CHCHD3: variants seen among roughly 807,000 people sequenced by gnomAD.
The protein encoded by CHCHD3 is coiled-coil-helix-coiled-coil-helix domain containing 3, also known as MICOS complex subunit MIC19.
Under a neutral mutation model 38.2 loss-of-function variants are expected in CHCHD3, and 20 were observed. That is an observed-to-expected ratio of 0.52 (90% CI 0.37 to 0.76). The LOEUF (loss-of-function observed/expected upper bound fraction) is 0.76, where lower values mean the gene tolerates loss of function less well. Ranked by LOEUF, CHCHD3 falls within the 30% of genes least tolerant of loss-of-function variation. The pLI is 0.00. For synonymous variants in CHCHD3, 82 were observed against 100.0 expected (o/e 0.82, Z 1.07); for missense variants, 245 against 279.2 (o/e 0.88, Z 0.87).
At chr7:132,845,913 CTGA>C (rs1164942338) in intron 5 of CHCHD3, among the ~76,000 whole-genome samples, 1 of 152,112 alleles carries the variant, frequency 6.6e-6, no homozygotes, top group African/African-American at 2.4e-5. Flanking sequence ...GATTCCACAA[CTGA>C]TGAAGATTGA....
intron 4 of CHCHD3, among the ~76,000 whole-genome samples, chr7:132,906,716 T>C (rs1215338750): frequency 6.6e-6 from 1 of 152,112 alleles, no homozygotes; most frequent in Non-Finnish European, 1.5e-5. Context: ...CTGGAATATT[T>C]GTAAAAAAAA....
At chr7:132,795,888 GA>G (rs1173229047) in intron 7 of CHCHD3, among the ~76,000 whole-genome samples, 1 of 152,224 alleles carries the variant, frequency 6.6e-6, no homozygotes, top group Non-Finnish European at 1.5e-5. Flanking sequence ...GAAGGGTCAA[GA>G]GAAGAATATG....
intron 3 of CHCHD3, among the ~76,000 whole-genome samples, chr7:133,016,061 A>T (rs1813022174): frequency 6.6e-6 from 1 of 152,178 alleles, no homozygotes; most frequent in Non-Finnish European, 1.5e-5. Flanking sequence ...CCATGATCCA[A>T]TCACCTCCTA....
At chr7:132,936,368 C>T (rs1210003004) in intron 4 of CHCHD3, among the ~76,000 whole-genome samples, 2 of 152,086 alleles carry the variant, frequency 1.3e-5, no homozygotes, top group Non-Finnish European at 2.9e-5. Flanking sequence ...TGGAAGAGTC[C>T]ATTTGAAATC....
intron 3 of CHCHD3, among the ~76,000 whole-genome samples, chr7:132,987,095 C>T (rs1445483926): frequency 2.6e-5 from 4 of 152,124 alleles, no homozygotes. Flanking sequence ...ACCCAGAACC[C>T]CATGACTTCA....
intron 5 of CHCHD3, among the ~76,000 whole-genome samples, chr7:132,856,729 G>A (rs2117124772): frequency 6.6e-6 from 1 of 152,272 alleles, no homozygotes; most frequent in Non-Finnish European, 1.5e-5. Flanking sequence ...TTAGGAAATT[G>A]TTTGTCATCT....
At chr7:133,006,010 T>C (rs1424106749) in intron 3 of CHCHD3, among the ~76,000 whole-genome samples, 1 of 152,242 alleles carries the variant, frequency 6.6e-6, no homozygotes, top group African/African-American at 2.4e-5. Flanking sequence ...GGATTTTGTA[T>C]GTACAGACAA....
At chr7:132,900,389 C>T (rs560025048) in intron 4 of CHCHD3, among the ~76,000 whole-genome samples, 6 of 152,148 alleles carry the variant, frequency 3.9e-5, no homozygotes, top group South Asian at 2.1e-4. Flanking sequence ...CACAAGAAAG[C>T]CTGAGACCGG....
chr7:132,810,606 G>T (rs924564308), intron 6 of CHCHD3, among the ~76,000 whole-genome samples: 1 of 152,146 alleles, frequency 6.6e-6, no homozygotes, highest in Non-Finnish European at 1.5e-5. Context: ...TGATTATGAT[G>T]AGTCTCATAC....
At chr7:133,031,536 C>G (rs1813504532) in intron 2 of CHCHD3, among the ~76,000 whole-genome samples, 2 of 151,984 alleles carry the variant, frequency 1.3e-5, no homozygotes, top group African/African-American at 4.8e-5. Context: ...ATAATTCCCT[C>G]CCCAATTACA....
At chr7:132,914,875 A>G (rs1361224178) in intron 4 of CHCHD3, among the ~76,000 whole-genome samples, 1 of 152,186 alleles carries the variant, frequency 6.6e-6, no homozygotes, top group Non-Finnish European at 1.5e-5. Flanking sequence ...TAAGTTCAAC[A>G]AAGAGGCTAG....
intron 4 of CHCHD3, among the ~76,000 whole-genome samples, chr7:132,893,784 C>T (rs932561009): frequency 6.6e-6 from 1 of 152,158 alleles, no homozygotes; most frequent in Non-Finnish European, 1.5e-5. Flanking sequence ...TTCACAGGCT[C>T]TTTCTCCTGC....
intron 4 of CHCHD3, among the ~76,000 whole-genome samples, chr7:132,974,934 T>C (rs546717315): frequency 2.0e-5 from 3 of 152,090 alleles, no homozygotes; most frequent in African/African-American, 7.2e-5. Context: ...GTGTGAAACA[T>C]GTACACATGT....
chr7:133,052,352 C>A (rs568105923), intron 2 of CHCHD3, among the ~76,000 whole-genome samples: 1 of 152,238 alleles, frequency 6.6e-6, no homozygotes, highest in Non-Finnish European at 1.5e-5. Flanking sequence ...GGAATGCAAT[C>A]GTTGATAGCT....
At chr7:132,793,269 G>A (rs1352041942) in intron 7 of CHCHD3, among the ~76,000 whole-genome samples, 2 of 152,158 alleles carry the variant, frequency 1.3e-5, no homozygotes, top group Non-Finnish European at 2.9e-5. Flanking sequence ...GTAAGAAGAG[G>A]TAATCCAATC....
At chr7:132,935,258 A>C (rs2117261951) in intron 4 of CHCHD3, among the ~76,000 whole-genome samples, 1 of 152,364 alleles carries the variant, frequency 6.6e-6, no homozygotes, top group African/African-American at 2.4e-5. Context: ...CTAGTGGAAC[A>C]CAGATTTCGC....
chr7:132,946,795 G>A (rs943149961), intron 4 of CHCHD3, among the ~76,000 whole-genome samples: 5 of 151,816 alleles, frequency 3.3e-5, no homozygotes, highest in Admixed American at 1.3e-4. Flanking sequence ...ATGAATAAAT[G>A]AGCGAATTAT....
intron 4 of CHCHD3, among the ~76,000 whole-genome samples, chr7:132,894,901 G>A (rs1023301811): frequency 6.6e-6 from 1 of 152,206 alleles, no homozygotes; most frequent in African/African-American, 2.4e-5. Context: ...GCACAATCCA[G>A]GAGCAATCAG....
intron 5 of CHCHD3, among the ~76,000 whole-genome samples, chr7:132,856,589 TCAGTGTGACC>T (rs1385134594): frequency 3.9e-5 from 6 of 152,144 alleles, no homozygotes; most frequent in African/African-American, 1.4e-4. Context: ...GCCTTATTGC[TCAGTGTGACC>T]CAAATGTAAC....
Sources: allele counts gnomAD v4.1 joint callset (sites outside exome capture counted in the v4.1 genomes callset), GRCh38; gene constraint gnomAD v4.1.1; transcripts MANE v1.5; gene names NCBI Gene and HGNC (gene_info 2026-07-23, HGNC 2026-07-21).